IPO11: variants seen among roughly 807,000 people sequenced by gnomAD.
The protein encoded by IPO11 is importin-11.
A neutral mutation model predicts 143.2 loss-of-function variants in IPO11; 66 were observed. The ratio of observed to expected loss-of-function variants is 0.46; its 90% confidence interval spans 0.38 to 0.57. IPO11 has a LOEUF of 0.57. IPO11 is among the 20% of genes least tolerant of loss of function. The pLI, the probability that IPO11 is intolerant of heterozygous loss-of-function variation, is 0.00. For missense variants in IPO11, 1,026 were observed against 1,141.0 expected (o/e 0.90, Z 1.45); for synonymous variants, 385 against 377.8 (o/e 1.02, Z -0.22).
intron 20 of IPO11, among the ~76,000 whole-genome samples, chr5:62,517,714 C>T (rs39935): frequency 0.69 from 105,335 of 152,098 alleles, 36,858 homozygotes; most frequent in African/African-American, 0.78. Flanking sequence ...CCAAGATGTA[C>T]TTTTAAGCTC....
chr5:62,516,036 C>T (rs1286274490), intron 20 of IPO11, among the ~76,000 whole-genome samples: 1 of 152,064 alleles, frequency 6.6e-6, no homozygotes, highest in East Asian at 1.9e-4. Context: ...TACAGTGAAT[C>T]ATAGTCTGGT....
rs577084781 is a variant in IPO11, at chr5:62,610,993, C to T, written c.2763+9145C>T. Among the ~76,000 whole-genome samples the T allele has an allele frequency of 5.7e-3, 864 of 152,232 alleles. 2 individuals are homozygous for T. Among genetic ancestry groups the T allele is most frequent in the Middle Eastern group, 0.017 (5 of 294 alleles). On this transcript the variant is annotated intron_variant, in intron 29 of 29. Coordinates refer to ENST00000325324, the MANE Select transcript of IPO11 (RefSeq NM_016338.5). ...TATCTATGCTTTGCTCACATTCTAC[C>T]TGCTTCTCTAAGTTTGATTAACTGA...
At chr5:62,503,823 GT>G (rs1250051036) in intron 16 of IPO11, among the ~76,000 whole-genome samples, 1 of 152,106 alleles carries the variant, frequency 6.6e-6, no homozygotes, top group East Asian at 1.9e-4. Flanking sequence ...CCTGTAAAAT[GT>G]TTTAAACGCT....
intron 20 of IPO11, among the ~76,000 whole-genome samples, chr5:62,518,487 A>G (rs1742100784): frequency 6.6e-6 from 1 of 151,490 alleles, no homozygotes; most frequent in South Asian, 2.1e-4. Flanking sequence ...GGTGGCGCAC[A>G]CTTGTAATCC....
chr5:62,468,501 G>C (rs1227628013), intron 6 of IPO11, among the ~76,000 whole-genome samples: 8 of 152,198 alleles, frequency 5.3e-5, no homozygotes, highest in African/African-American at 1.9e-4. Context: ...ATAAAAGTGA[G>C]TGGAGATGGT....
intron 27 of IPO11, chr5:62,579,306 C>G: frequency 1.2e-6 from 1 of 806,522 alleles, no homozygotes; most frequent in South Asian, 1.6e-5. Flanking sequence ...ATTGGCTGAT[C>G]CTAATTAAAA....
chr5:62,626,060 C>G (rs983025233), intron 29 of IPO11, among the ~76,000 whole-genome samples: 1 of 151,682 alleles, frequency 6.6e-6, no homozygotes, highest in Admixed American at 6.6e-5. Context: ...GACGGAGTCT[C>G]GCTCTGTCAC....
intron 29 of IPO11, among the ~76,000 whole-genome samples, chr5:62,620,388 G>C (rs939608896): frequency 1.3e-5 from 2 of 151,980 alleles, no homozygotes; most frequent in African/African-American, 4.8e-5. Context: ...GTGTGGTGGC[G>C]GGTGCCTGTA....
intron 29 of IPO11, among the ~76,000 whole-genome samples, chr5:62,621,658 C>A (rs1272674717): frequency 8.5e-5 from 13 of 152,116 alleles, no homozygotes; most frequent in Non-Finnish European, 1.5e-4. Context: ...ATCAACAGAT[C>A]AACTATGAAG....
intron 1 of IPO11, among the ~76,000 whole-genome samples, chr5:62,423,342 G>C (rs146333388): frequency 6.6e-6 from 1 of 152,170 alleles, no homozygotes; most frequent in East Asian, 1.9e-4. Flanking sequence ...ACTGTGCTAG[G>C]TAATGGCATT....
chr5:62,490,148 T>C lies in IPO11; in HGVS notation c.1391T>C (p.Leu464Pro). The change falls in exon 15 of 30, where the codon CTC becomes CCC. Residue 464 changes from leucine (L) to proline (P), a missense_variant. By Grantham distance (98) the Leu-to-Pro change is moderately conservative (BLOSUM62 -3). Coordinates refer to ENST00000325324, the MANE Select transcript of IPO11 (RefSeq NM_016338.5). ...YNAVGLAAYE[L>P]FDSVDFDQWF... ...GCTGTTGGATTAGCTGCTTATGAGC[T>C]CTTTGACAGTGTTGATTTTGATCAG... 1 of 1,605,360 alleles carries C rather than the reference T, an allele frequency of 6.2e-7. No individual in the cohort carries two copies. The highest frequency in any genetic ancestry group is 8.5e-7 in the Non-Finnish European group (1 of 1,176,034).
intron 27 of IPO11, chr5:62,561,814 T>A (rs1012762337): frequency 6.6e-6 from 1 of 152,178 alleles, no homozygotes; most frequent in African/African-American, 2.4e-5. Flanking sequence ...TTTTGTGGAG[T>A]TCGGCATGAA....
At chr5:62,463,067 A>G (rs1455780555) in intron 5 of IPO11, among the ~76,000 whole-genome samples, 3 of 152,070 alleles carry the variant, frequency 2.0e-5, no homozygotes, top group Non-Finnish European at 4.4e-5. Flanking sequence ...TTTTAGAGAC[A>G]GTGTCTCACT....
intron 1 of IPO11, among the ~76,000 whole-genome samples, chr5:62,428,077 C>G (rs1225481339): frequency 6.6e-6 from 1 of 152,220 alleles, no homozygotes; most frequent in Non-Finnish European, 1.5e-5. Flanking sequence ...TGTTGTAGTA[C>G]ACACTAGTAT....
intron 27 of IPO11, among the ~76,000 whole-genome samples, chr5:62,582,359 A>T (rs1429511126): frequency 6.6e-6 from 1 of 152,132 alleles, no homozygotes; most frequent in Non-Finnish European, 1.5e-5. Flanking sequence ...GTGGCAGGGG[A>T]GGGAGAAGTC....
chr5:62,439,294 T>A (rs1322126327), intron 2 of IPO11, among the ~76,000 whole-genome samples: 1 of 140,488 alleles, frequency 7.1e-6, no homozygotes, highest in East Asian at 2.0e-4. Flanking sequence ...GTTTTTTTTT[T>A]TTTTTTTTTT....
intron 5 of IPO11, among the ~76,000 whole-genome samples, chr5:62,457,728 T>TG (rs1185611881): frequency 1.3e-5 from 2 of 152,210 alleles, no homozygotes; most frequent in Middle Eastern, 3.2e-3. Flanking sequence ...GACTTCATGA[T>TG]GTGGTCCTTA....
chr5:62,544,147 C>G lies in IPO11; in HGVS notation c.2251-6220C>G, dbSNP rs144274788. On this transcript the variant is annotated intron_variant, in intron 24 of 29. Coordinates refer to ENST00000325324, the MANE Select transcript of IPO11 (RefSeq NM_016338.5). ...ATACCAAAGCCTGGCAGAGACACAA[C>G]AACAAAAGAGAATTTTAGACCAATA... Among the ~76,000 whole-genome samples, 1,101 of 152,128 alleles carry G rather than the reference C, an allele frequency of 7.2e-3. 14 individuals carry two copies. The highest frequency in any genetic ancestry group is 0.025 in the African/African-American group (1,036 of 41,496).
At chr5:62,476,842 C>A (rs948507455) in intron 9 of IPO11, 89 bp downstream of exon 9, 3 of 1,308,984 alleles carry the variant, frequency 2.3e-6, no homozygotes, top group African/African-American at 1.5e-5. Context: ...CATACATTTT[C>A]ACTTTAGTGT....
Sources: gnomAD v4.1 joint callset for allele counts (sites outside exome capture counted in the v4.1 genomes callset) on GRCh38, gnomAD v4.1.1 for gene constraint, MANE v1.5 for transcripts, NCBI Gene and HGNC (gene_info 2026-07-23, HGNC 2026-07-21) for gene names.